The following SOX6 variants were observed in gnomAD, a reference collection of about 807,000 sequenced individuals.
SOX6 encodes transcription factor SOX-6.
Under a neutral mutation model 97.8 loss-of-function variants are expected in SOX6, and 11 were observed. The observed-to-expected ratio is 0.11, with a 90% CI of 0.07 to 0.19. The LOEUF is 0.19. SOX6 is among the 10% of genes least tolerant of loss of function. The pLI, the probability that SOX6 is intolerant of heterozygous loss-of-function variation, is 1.00. For missense variants in SOX6, 810 were observed against 1,039.5 expected, an observed-to-expected ratio of 0.78 and a Z score of 3.04; for synonymous variants, 360 against 371.4, an observed-to-expected ratio of 0.97 and a Z score of 0.35.
intron 9 of SOX6, among the ~76,000 whole-genome samples, chr11:16,070,771 C>T (rs1241706386): frequency 6.6e-6 from 1 of 152,004 alleles, no homozygotes. Context: ...GGTGAGAGCC[C>T]CCTGGCGGGG....
chr11:16,697,679 C>A (rs1035041553), intron 3 of SOX6, among the ~76,000 whole-genome samples: 1 of 152,196 alleles, frequency 6.6e-6, no homozygotes, highest in Non-Finnish European at 1.5e-5. Context: ...TTGGCAGCTA[C>A]AGCTTTATGA....
At chr11:16,343,142 G>A (rs1020523805) in intron 1 of SOX6, among the ~76,000 whole-genome samples, 6 of 151,630 alleles carry the variant, frequency 4.0e-5, no homozygotes, top group Non-Finnish European at 5.9e-5. Context: ...TTACTTTACC[G>A]GCCCCATAAC....
At chr11:16,135,043 C>T (rs373737735) in intron 6 of SOX6, among the ~76,000 whole-genome samples, 1 of 152,132 alleles carries the variant, frequency 6.6e-6, no homozygotes, top group East Asian at 1.9e-4. Flanking sequence ...TAAGAATTAT[C>T]TTAAATTTAC....
chr11:16,519,271 T>C (rs1861019430), intron 4 of SOX6, among the ~76,000 whole-genome samples: 1 of 152,124 alleles, frequency 6.6e-6, no homozygotes, highest in Non-Finnish European at 1.5e-5. Context: ...AATGGTGACG[T>C]TTGGGATCCT....
intron 1 of SOX6, among the ~76,000 whole-genome samples, chr11:16,373,400 T>A (rs2134396312): frequency 6.6e-6 from 1 of 152,240 alleles, no homozygotes; most frequent in East Asian, 1.9e-4. Flanking sequence ...CTTACCTCAC[T>A]CTTCCTTTCA....
intron 6 of SOX6, among the ~76,000 whole-genome samples, chr11:16,141,145 C>A (rs934808059): frequency 6.6e-6 from 1 of 151,974 alleles, no homozygotes; most frequent in Non-Finnish European, 1.5e-5. Context: ...TGCTCATGCT[C>A]AGTATATATG....
At chr11:16,539,933 A>T (rs1259862341) in intron 4 of SOX6, among the ~76,000 whole-genome samples, 1 of 152,206 alleles carries the variant, frequency 6.6e-6, no homozygotes, top group Non-Finnish European at 1.5e-5. Flanking sequence ...TATTCCAATC[A>T]ATAGAAAAAG....
chr11:16,056,727 A>G (rs990512098), intron 9 of SOX6, among the ~76,000 whole-genome samples: 1 of 152,152 alleles, frequency 6.6e-6, no homozygotes, highest in Non-Finnish European at 1.5e-5. Flanking sequence ...CTTATTACTC[A>G]TTCTATTTAC....
intron 3 of SOX6, among the ~76,000 whole-genome samples, chr11:16,634,098 A>G (rs1848749659): frequency 6.6e-6 from 1 of 152,184 alleles, no homozygotes; most frequent in South Asian, 2.1e-4. Flanking sequence ...TAAAGCTGCT[A>G]TTATAAATAT....
intron 12 of SOX6, among the ~76,000 whole-genome samples, chr11:16,042,796 C>A (rs1267965451): frequency 3.3e-5 from 5 of 152,106 alleles, no homozygotes; most frequent in Non-Finnish European, 5.9e-5. Flanking sequence ...CACTTTGACA[C>A]CTGATGAGGT....
At chr11:16,150,794 T>C (rs910922586) in intron 6 of SOX6, among the ~76,000 whole-genome samples, 6 of 152,326 alleles carry the variant, frequency 3.9e-5, no homozygotes, top group Non-Finnish European at 7.4e-5. Context: ...TTGTTTAAAT[T>C]GTGTATGACT....
At chr11:16,232,611 A>G (rs540643389) in intron 4 of SOX6, among the ~76,000 whole-genome samples, 8 of 152,092 alleles carry the variant, frequency 5.3e-5, no homozygotes, top group Non-Finnish European at 1.2e-4. Context: ...GGGGGGAGAA[A>G]ATATACCCTG....
intron 4 of SOX6, among the ~76,000 whole-genome samples, chr11:16,191,839 AG>A: frequency 6.7e-6 from 1 of 148,874 alleles, no homozygotes; most frequent in Non-Finnish European, 1.5e-5. Flanking sequence ...ACAGTGCAGC[AG>A]GGTTTTTTTT....
At chr11:16,512,667 T>G (rs1468093334) in intron 4 of SOX6, among the ~76,000 whole-genome samples, 1 of 152,202 alleles carries the variant, frequency 6.6e-6, no homozygotes, top group South Asian at 2.1e-4. Flanking sequence ...AAGTAAACTG[T>G]TAGGTATTTC....
At chr11:16,165,460 A>C (rs1196230707) in intron 6 of SOX6, among the ~76,000 whole-genome samples, 1 of 152,206 alleles carries the variant, frequency 6.6e-6, no homozygotes, top group Non-Finnish European at 1.5e-5. Flanking sequence ...AGAATTATAG[A>C]AGTTAAAATG....
intron 1 of SOX6, among the ~76,000 whole-genome samples, chr11:16,440,741 C>T (rs1407578092): frequency 6.6e-6 from 1 of 152,052 alleles, no homozygotes; most frequent in Non-Finnish European, 1.5e-5. Flanking sequence ...TTTGTCTTCA[C>T]TTTGGGCAAT....
intron 1 of SOX6, among the ~76,000 whole-genome samples, chr11:16,450,081 C>A (rs149307479): frequency 4.6e-5 from 7 of 152,246 alleles, no homozygotes; most frequent in African/African-American, 1.7e-4. Context: ...ACTTTCAGAA[C>A]CTTACTTATT....
intron 1 of SOX6, among the ~76,000 whole-genome samples, chr11:16,369,927 C>T (rs976254648): frequency 1.3e-5 from 2 of 152,126 alleles, no homozygotes; most frequent in Non-Finnish European, 2.9e-5. Context: ...ATCCCTCCAG[C>T]AGCAAAAGAC....
chr11:16,027,618 T>C (rs754673846), intron 12 of SOX6, among the ~76,000 whole-genome samples: 1 of 152,214 alleles, frequency 6.6e-6, no homozygotes, highest in Non-Finnish European at 1.5e-5. Context: ...CATGTCTCAA[T>C]ATAAGTAATT....
Sources: allele counts gnomAD v4.1 joint callset (sites outside exome capture counted in the v4.1 genomes callset), GRCh38; gene constraint gnomAD v4.1.1; transcripts MANE v1.5; gene names NCBI Gene and HGNC (gene_info 2026-07-23, HGNC 2026-07-21).